The following DEFB131A variants were observed in gnomAD, a reference collection of about 807,000 sequenced individuals.
DEFB131A encodes beta-defensin 131A.
Under a neutral mutation model 2.4 loss-of-function variants are expected in DEFB131A, and 5 were observed. That is an observed-to-expected ratio of 2.12 (90% confidence interval 1.11 to 4.47). The LOEUF is 4.47. DEFB131A is among the 30% of genes most tolerant of loss of function. The pLI, the probability that DEFB131A is intolerant of heterozygous loss-of-function variation, is 0.00. For missense variants in DEFB131A, 120 were observed against 79.9 expected (o/e 1.50, Z -1.91); for synonymous variants, 34 against 25.7 (o/e 1.32, Z -0.97).
rs201786630 is a variant in DEFB131A at position 9,450,382 on chromosome 4, T to C, written c.81T>C (p.Asp27=). ...VPPARSFISN[D]ECPSEYYHCR... Reference sequence around the variant, plus strand: ...AAGCCAGAAGCTTCATTTCTAATGATGAATGTCCTTCAGAATATTATCATT... The same window carrying C: ...AAGCCAGAAGCTTCATTTCTAATGACGAATGTCCTTCAGAATATTATCATT... The change falls in exon 2 of 2, where the codon GAT becomes GAC. Residue 27 remains aspartate, a synonymous_variant. Coordinates refer to ENST00000334879, the MANE Select transcript of DEFB131A (RefSeq NM_001040448.3). The C allele has an allele frequency of 5.1e-6, 8 of 1,582,510 alleles. No individual in the cohort carries two copies. Among genetic ancestry groups the C allele is most frequent in the African/African-American group, 2.7e-5 (2 of 74,440 alleles).
intron 1 of DEFB131A, among the ~76,000 whole-genome samples, chr4:9,449,289 C>T (rs1717589782): frequency 8.3e-6 from 1 of 120,930 alleles, no homozygotes; most frequent in Non-Finnish European, 1.8e-5. Context: ...ATATACAATC[C>T]CTATCAAAAT....
chr4:9,450,574 T>G lies in DEFB131A; in HGVS notation c.*60T>G. 1 of 1,556,088 alleles carries G rather than the reference T, an allele frequency of 6.4e-7. No homozygotes were observed. ...AAAAAACATGTCTTAAACTCTCTTA[T>G]CTATGAATAATTAACATGATAGATG... On this transcript the variant is annotated 3_prime_UTR_variant, in exon 2 of 2. Transcript: ENST00000334879.
Position 9,445,153 on chromosome 4 carries a change from C to G in DEFB131A, c.58+562C>G, listed in dbSNP as rs536367705. Among the ~76,000 whole-genome samples the G allele has an allele frequency of 2.6e-5, 4 of 151,972 alleles. No individual in the cohort carries two copies. In the East Asian group the frequency reaches 7.8e-4, roughly 29 times the overall value. ...TCAAAAGATGGTGAGAGGATACACA[C>G]AGAACACAGGAAATTTAAAGAATTG... On this transcript the variant is annotated intron_variant, in intron 1 of 1. Coordinates refer to ENST00000334879, the MANE Select transcript of DEFB131A (RefSeq NM_001040448.3).
intron 1 of DEFB131A, among the ~76,000 whole-genome samples, chr4:9,449,587 A>T (rs1167287086): frequency 2.0e-5 from 3 of 151,822 alleles, no homozygotes; most frequent in African/African-American, 7.3e-5. Flanking sequence ...TGAAACTGTA[A>T]AACTTATAGA....
intron 1 of DEFB131A, among the ~76,000 whole-genome samples, chr4:9,449,489 C>T (rs1276022029): frequency 6.7e-6 from 1 of 149,988 alleles, no homozygotes; most frequent in African/African-American, 2.5e-5. Context: ...ACTGAATATT[C>T]ACATGCAAAA....
intron 1 of DEFB131A, among the ~76,000 whole-genome samples, chr4:9,448,552 G>C (rs1717566004): frequency 6.6e-6 from 1 of 152,110 alleles, no homozygotes; most frequent in Non-Finnish European, 1.5e-5. Flanking sequence ...TCGAACTCCT[G>C]ACCTCAGGTG....
rs185407738 is a variant in DEFB131A, at chr4:9,449,788, G to A, written c.59-572G>A. ...GACACATGGCCTTGAGCCCGAATAC[G>A]CTGGGAAGCTGGAACTAAGACTCAA... is the stretch of plus-strand genomic sequence containing the variant. On this transcript the variant is annotated intron_variant, in intron 1 of 1. Coordinates refer to ENST00000334879, the MANE Select transcript of DEFB131A (RefSeq NM_001040448.3). Among the ~76,000 whole-genome samples, 21 of 152,146 alleles carry A rather than the reference G, an allele frequency of 1.4e-4. 1 individual carries two copies. Among genetic ancestry groups the A allele is most frequent in the Admixed American group, 3.3e-4 (5 of 15,278 alleles).
rs1418262993 is a variant in DEFB131A, at chr4:9,444,602, A to G, written c.58+11A>G. ...TCACAGTTCCTCCAGGTAAGACAGA[A>G]ACTTTTTTATTCCAAAGTTCTAAAA... is the stretch of plus-strand genomic sequence containing the variant. On this transcript the variant is annotated intron_variant, in intron 1 of 1. Transcript: ENST00000334879. The G allele has an allele frequency of 6.2e-7, 1 of 1,605,592 alleles. No individual in the cohort carries two copies. The highest frequency in any genetic ancestry group is 2.2e-5 in the East Asian group (1 of 44,830).
At chr4:9,447,220 T>C (rs187835747) in intron 1 of DEFB131A, among the ~76,000 whole-genome samples, 53 of 152,300 alleles carry the variant, frequency 3.5e-4, no homozygotes, top group Non-Finnish European at 6.6e-4. Flanking sequence ...TTGAGGTGTA[T>C]CTCTCTCTTT....
At chr4:9,445,473 T>G (rs1243005826) in intron 1 of DEFB131A, among the ~76,000 whole-genome samples, 1 of 152,090 alleles carries the variant, frequency 6.6e-6, no homozygotes, top group Non-Finnish European at 1.5e-5. Context: ...AATTTTAAAA[T>G]TCATCAATAC....
intron 1 of DEFB131A, among the ~76,000 whole-genome samples, chr4:9,447,716 T>TAAAA (rs57201315): frequency 5.9e-5 from 8 of 134,840 alleles, no homozygotes; most frequent in African/African-American, 1.1e-4. Context: ...TATCAGTCCT[T>TAAAA]AAAAAAAAAA....
At chr4:9,448,986 C>T (rs989317921) in intron 1 of DEFB131A, among the ~76,000 whole-genome samples, 5 of 151,996 alleles carry the variant, frequency 3.3e-5, no homozygotes, top group African/African-American at 1.2e-4. Context: ...ATAACAAATT[C>T]AGTAAAGTTG....
chr4:9,447,716 T>TAAA (rs57201315), intron 1 of DEFB131A, among the ~76,000 whole-genome samples: 132 of 134,870 alleles, frequency 9.8e-4, no homozygotes, highest in African/African-American at 3.3e-3. Context: ...TATCAGTCCT[T>TAAA]AAAAAAAAAA....
chr4:9,444,962 G>T (rs1351344742), intron 1 of DEFB131A, among the ~76,000 whole-genome samples: 1 of 151,822 alleles, frequency 6.6e-6, no homozygotes, highest in Non-Finnish European at 1.5e-5. Context: ...GCGTGTCTGT[G>T]GTTCTGGCTA....
In DEFB131A at chr4:9,444,416, T is replaced by C; in HGVS notation, c.-118T>C. The C allele has an allele frequency of 9.3e-7, 1 of 1,077,052 alleles. No homozygotes were observed. The highest frequency in any genetic ancestry group is 1.6e-5 in the South Asian group (1 of 64,004). The allele number at this position is 1,077,052 out of a possible 1,614,324, so 66.7% of individuals were successfully genotyped here. A position where few individuals can be genotyped will look rare whatever the true frequency, so the allele number is the denominator to read the frequency against. ...TCTCCTTGAAACACAGAAATGTTCT[T>C]GCTCCTGAAAGGTTCAATAATCACT... On this transcript the variant is annotated 5_prime_UTR_variant, in exon 1 of 2. Transcript: ENST00000334879.
chr4:9,449,557 C>A (rs912735535), intron 1 of DEFB131A, among the ~76,000 whole-genome samples: 2 of 151,458 alleles, frequency 1.3e-5, no homozygotes, highest in Non-Finnish European at 2.9e-5. Context: ...AAATGAACTA[C>A]ACATTTAAAC....
At chr4:9,444,677 A>C (rs923881925) in intron 1 of DEFB131A, 86 bp downstream of exon 1, 227 of 1,372,808 alleles carry the variant, frequency 1.7e-4, no homozygotes, top group Non-Finnish European at 2.0e-4. Context: ...AAAATAAAAT[A>C]GGCATGGGCA....
At position 9,450,486 on chromosome 4, in the gene DEFB131A, T is replaced by C. The variant is rs72648874; in HGVS notation, c.185T>C (p.Ile62Thr). Residue 62 changes from isoleucine to threonine, a missense_variant, in exon 2 of 2, where the codon ATT becomes ACT. Ile to Thr is a moderately conservative substitution (Grantham distance 89). Transcript: ENST00000334879. ...DFSICCKLKI[I>T]EIDGQKKW ...AGCATCTGCTGCAAACTGAAGATCA[T>C]TGAAATTGACGGACAAAAGAAGTGG... The C allele has an allele frequency of 2.5e-6, 4 of 1,610,360 alleles. No individual in the cohort carries two copies. The highest frequency in any genetic ancestry group is 3.4e-6 in the Non-Finnish European group (4 of 1,179,162).
At chr4:9,444,968 G>C (rs1461611745) in intron 1 of DEFB131A, among the ~76,000 whole-genome samples, 1 of 151,846 alleles carries the variant, frequency 6.6e-6, no homozygotes, top group East Asian at 1.9e-4. Flanking sequence ...CTGTGGTTCT[G>C]GCTACTCAGG....
Sources: gnomAD v4.1 joint callset for allele counts (sites outside exome capture counted in the v4.1 genomes callset) on GRCh38, gnomAD v4.1.1 for gene constraint, MANE v1.5 for transcripts, NCBI Gene and HGNC (gene_info 2026-07-23, HGNC 2026-07-21) for gene names.